The following LPP variants were observed in gnomAD, a reference collection of about 807,000 sequenced individuals.
LPP encodes the protein LIM domain containing preferred translocation partner in lipoma, also known as lipoma-preferred partner.
Under a neutral mutation model 60.4 loss-of-function variants are expected in LPP, and 38 were observed. That is an observed-to-expected ratio of 0.63 (90% CI 0.49 to 0.83). The LOEUF (loss-of-function observed/expected upper bound fraction) is 0.83, where lower values mean the gene tolerates loss of function less well. LPP is among the 40% of genes least tolerant of loss of function. The probability of loss-of-function intolerance (pLI) is 0.00; values close to 1 mark genes in which losing one functional copy is unlikely to be tolerated. For missense variants in LPP, 902 were observed against 783.6 expected (o/e 1.15, Z -1.80); for synonymous variants, 328 against 290.8 (o/e 1.13, Z -1.30).
At chr3:188,635,962 C>A (rs1026375862) in intron 7 of LPP, among the ~76,000 whole-genome samples, 2 of 152,194 alleles carry the variant, frequency 1.3e-5, no homozygotes, top group Non-Finnish European at 2.9e-5. Flanking sequence ...TTACCCAATG[C>A]CTAGCCTAGA....
At chr3:188,353,088 A>G (rs1212430694) in intron 3 of LPP, among the ~76,000 whole-genome samples, 1 of 152,192 alleles carries the variant, frequency 6.6e-6, no homozygotes, top group Non-Finnish European at 1.5e-5. Context: ...GTTCATTGTC[A>G]GTACCATGCT....
At chr3:188,813,773 A>G (rs1179959032) in intron 9 of LPP, among the ~76,000 whole-genome samples, 2 of 152,156 alleles carry the variant, frequency 1.3e-5, no homozygotes, top group Non-Finnish European at 2.9e-5. Flanking sequence ...AAGTTTTGTT[A>G]ACAAAACATC....
chr3:188,554,399 G>T (rs1199067717), intron 6 of LPP, among the ~76,000 whole-genome samples: 2 of 152,112 alleles, frequency 1.3e-5, no homozygotes, highest in Non-Finnish European at 2.9e-5. Context: ...AACCCCAAAA[G>T]AATATTTTTG....
At chr3:188,208,616 G>A (rs1733919888) in intron 1 of LPP, among the ~76,000 whole-genome samples, 1 of 152,198 alleles carries the variant, frequency 6.6e-6, no homozygotes. Flanking sequence ...CGCAGGCCAC[G>A]TTTCCGGAAC....
chr3:188,283,608 T>C (rs909331329), intron 2 of LPP, among the ~76,000 whole-genome samples: 2 of 152,096 alleles, frequency 1.3e-5, no homozygotes, highest in Non-Finnish European at 2.9e-5. Flanking sequence ...ATGCTATATA[T>C]TAGGTAGAAA....
chr3:188,367,952 A>G (rs1771707117), intron 3 of LPP, among the ~76,000 whole-genome samples: 1 of 152,222 alleles, frequency 6.6e-6, no homozygotes. Flanking sequence ...TAAGGTTCAC[A>G]TCTGTCATCT....
At chr3:188,343,431 A>G (rs980182178) in intron 3 of LPP, among the ~76,000 whole-genome samples, 3 of 152,222 alleles carry the variant, frequency 2.0e-5, no homozygotes, top group Non-Finnish European at 4.4e-5. Flanking sequence ...TTTACGGATA[A>G]ATATATCAGA....
rs948128172 is a variant in LPP at position 188,609,587 on chromosome 3, G to A, written c.856G>A (p.Gly286Arg). 6.2e-7 allele frequency: 1 copy of A among 1,614,154 alleles called. No homozygotes were observed. The highest frequency in any genetic ancestry group is 1.7e-5 in the Admixed American group (1 of 60,006). The change falls in exon 7 of 12, where the codon GGG becomes AGG. Residue 286 changes from glycine (G) to arginine (R), a missense_variant. Transcript: ENST00000617246. The surrounding 1 kb of genome is among the most constrained non-coding windows in gnomAD (Gnocchi z 6.9). ...IPPPGLQPEP[G>R]YGYAPNQGRY... ...ACCACCAGGACTTCAGCCGGAGCCT[G>A]GGTATGGGTATGCCCCCAACCAGGG... is the stretch of plus-strand genomic sequence containing the variant.
chr3:188,272,543 G>A (rs553516564), intron 2 of LPP, among the ~76,000 whole-genome samples: 2 of 152,228 alleles, frequency 1.3e-5, no homozygotes, highest in Admixed American at 1.3e-4. Context: ...AGCTCTCTGT[G>A]AGCCTTTTGC....
intron 2 of LPP, among the ~76,000 whole-genome samples, chr3:188,273,407 T>C (rs1738493570): frequency 6.6e-6 from 1 of 152,124 alleles, no homozygotes; most frequent in African/African-American, 2.4e-5. Flanking sequence ...GGTGCCAGGC[T>C]TTGTAGTAGA....
intron 1 of LPP, among the ~76,000 whole-genome samples, chr3:188,190,181 C>T (rs575566938): frequency 1.5e-4 from 23 of 151,936 alleles, no homozygotes; most frequent in East Asian, 7.8e-4. Flanking sequence ...CTCAGCATCC[C>T]GAGTAGCTGG....
chr3:188,524,619 T>A, intron 5 of LPP, 46 bp from the exon 6 acceptor site: 1 of 1,570,428 alleles, frequency 6.4e-7, no homozygotes. Context: ...TATAATGATA[T>A]CAAGGGAAAT....
At chr3:188,390,117 C>G (rs992659384) in intron 3 of LPP, among the ~76,000 whole-genome samples, 1 of 152,172 alleles carries the variant, frequency 6.6e-6, no homozygotes, top group East Asian at 1.9e-4. Flanking sequence ...TTTCTTGGAG[C>G]TGTGTCTCCG....
At chr3:188,674,251 C>T (rs1198167949) in intron 7 of LPP, among the ~76,000 whole-genome samples, 4 of 152,188 alleles carry the variant, frequency 2.6e-5, no homozygotes, top group Non-Finnish European at 5.9e-5. Context: ...TCAAAAGCTC[C>T]TACCTTTGAC....
intron 2 of LPP, among the ~76,000 whole-genome samples, chr3:188,336,241 C>T (rs986530945): frequency 1.3e-5 from 2 of 152,092 alleles, no homozygotes; most frequent in Non-Finnish European, 2.9e-5. Context: ...GGCTGTGGGA[C>T]TAGAGTCTTA....
At chr3:188,460,898 C>T (rs181586171) in intron 4 of LPP, among the ~76,000 whole-genome samples, 1 of 152,184 alleles carries the variant, frequency 6.6e-6, no homozygotes, top group African/African-American at 2.4e-5. Context: ...TTTGGTTACT[C>T]TACTGTGAAA....
In LPP at chr3:188,154,162, C is replaced by CTCCTCT. The variant is rs1715299535; in HGVS notation, c.-279_-274dup. 4.8e-6 allele frequency: 1 copy of CTCCTCT among 206,546 alleles called. No individual in the cohort carries two copies. The allele number at this position is 206,546 out of a possible 1,614,324, so 12.8% of individuals were successfully genotyped here. A position where few individuals can be genotyped will look rare whatever the true frequency, so the allele number is the denominator to read the frequency against. On this transcript the variant is annotated 5_prime_UTR_variant, in exon 1 of 12. Coordinates refer to ENST00000617246, the MANE Select transcript of LPP (RefSeq NM_001375462.1). ...GGGAGGGGGAGTGCCCGGGCACCTC[C>CTCCTCT]TCCTCTGCCTCTGCCTCCGCCTCCA... is the stretch of plus-strand genomic sequence containing the variant.
At chr3:188,766,558 T>C (rs1305296229) in intron 9 of LPP, among the ~76,000 whole-genome samples, 1 of 152,152 alleles carries the variant, frequency 6.6e-6, no homozygotes, top group Non-Finnish European at 1.5e-5. Context: ...TCTTAGAAAG[T>C]GTCAGCTTGC....
At chr3:188,644,207 A>G (rs1283971012) in intron 7 of LPP, among the ~76,000 whole-genome samples, 1 of 152,200 alleles carries the variant, frequency 6.6e-6, no homozygotes, top group African/African-American at 2.4e-5. Flanking sequence ...AATTTAGAGC[A>G]TCCTGGTTTG....
Sources: allele counts gnomAD v4.1 joint callset (sites outside exome capture counted in the v4.1 genomes callset), GRCh38; gene constraint gnomAD v4.1.1; non-coding constraint Gnocchi (gnomAD v3.1); transcripts MANE v1.5; gene names NCBI Gene and HGNC (gene_info 2026-07-23, HGNC 2026-07-21).